The following MAP2 variants were observed in gnomAD, a reference collection of about 807,000 sequenced individuals.
The protein encoded by MAP2 is microtubule associated protein 2.
Under a neutral mutation model 137.6 loss-of-function variants are expected in MAP2, and 14 were observed. The observed-to-expected ratio is 0.10, with a 90% CI of 0.07 to 0.16. The LOEUF (loss-of-function observed/expected upper bound fraction) is 0.16. MAP2 is among the 10% of genes least tolerant of loss of function. MAP2 has a pLI of 1.00. For missense variants in MAP2, 2,088 were observed against 2,191.5 expected (o/e 0.95, Z 0.94); for synonymous variants, 786 against 782.3 (o/e 1.00, Z -0.08).
chr2:209,657,059 T>A (rs1228018049), intron 5 of MAP2, among the ~76,000 whole-genome samples: 1 of 152,248 alleles, frequency 6.6e-6, no homozygotes, highest in Non-Finnish European at 1.5e-5. Context: ...TTATTTCACT[T>A]AAGATAATGG....
intron 2 of MAP2, among the ~76,000 whole-genome samples, chr2:209,550,280 T>A (rs1347257010): frequency 6.6e-6 from 1 of 152,268 alleles, no homozygotes; most frequent in East Asian, 1.9e-4. Context: ...AACATATATC[T>A]TATGGAAAAA....
rs1264758476 is a variant in MAP2 at position 209,694,323 on chromosome 2, T to G, written c.2153T>G (p.Phe718Cys). The G allele has an allele frequency of 6.2e-7, 1 of 1,614,020 alleles. No homozygotes were observed. The highest frequency in any genetic ancestry group is 8.5e-7 in the Non-Finnish European group (1 of 1,180,016). The change falls in exon 8 of 16, where the codon TTT (phenylalanine) becomes TGT (cysteine). Residue 718 changes from phenylalanine to cysteine, a missense_variant. Around this residue, in one of 6 missense-constraint regions of MAP2, gnomAD observed 500 missense variants for 482.9 expected, o/e 1.04. Coordinates refer to ENST00000682079, the MANE Select transcript of MAP2 (RefSeq NM_001375505.1). ...GATTCCATAGCCCTTGGATTTAACT[T>G]TGGTCGGGGACATGATCTTTCTCCT... is the stretch of plus-strand genomic sequence containing the variant. ...CLDSIALGFN[F>C]GRGHDLSPLA...
Position 209,442,022 on chromosome 2 carries a change from T to G in MAP2, c.-222+17746T>G, listed in dbSNP as rs544238590. On this transcript the variant is annotated intron_variant, in intron 1 of 15. Coordinates refer to ENST00000682079, the MANE Select transcript of MAP2 (RefSeq NM_001375505.1). ...CATGTTTCCTCAGGATTGTCTATAT[T>G]AATTATTGGACAAACACCCATAAAA... 2.6e-5 allele frequency among the ~76,000 whole-genome samples: 4 copies of G among 151,672 alleles called. No homozygotes were observed. The South Asian group carries it at 8.3e-4, about 31-fold the overall frequency.
intron 5 of MAP2, among the ~76,000 whole-genome samples, chr2:209,676,595 G>A (rs1261943905): frequency 1.3e-5 from 2 of 151,152 alleles, no homozygotes; most frequent in African/African-American, 4.9e-5. Context: ...CTTATATAGT[G>A]TGGGAGATAA....
chr2:209,468,630 G>A (rs1056708724), intron 1 of MAP2, among the ~76,000 whole-genome samples: 1 of 152,008 alleles, frequency 6.6e-6, no homozygotes, highest in Non-Finnish European at 1.5e-5. Context: ...TCAGTTTAGT[G>A]TTTCTTTAAG....
At chr2:209,665,567 A>C (rs2045933336) in intron 5 of MAP2, among the ~76,000 whole-genome samples, 1 of 152,224 alleles carries the variant, frequency 6.6e-6, no homozygotes, top group Non-Finnish European at 1.5e-5. Flanking sequence ...CATGGATTTA[A>C]TATGTGCCTC....
chr2:209,733,051 AC>A lies in MAP2; in HGVS notation c.*2655del, dbSNP rs2075986663. ...GCACCACTCTTGTGGGGACACACAT[AC>A]GCTGATCTAGGAATGAAATCTTCGT... On this transcript the variant is annotated 3_prime_UTR_variant, in exon 16 of 16. Transcript: ENST00000682079. 6.6e-6 allele frequency: 1 copy of A among 152,608 alleles called. No homozygotes were observed. The highest frequency in any genetic ancestry group is 1.5e-5 in the Non-Finnish European group (1 of 68,050). 9.5% of individuals were successfully genotyped at this position (152,608 alleles called of 1,614,324 possible).
intron 2 of MAP2, among the ~76,000 whole-genome samples, chr2:209,575,262 A>ACC (rs1559338200): frequency 6.6e-6 from 1 of 152,002 alleles, no homozygotes; most frequent in Non-Finnish European, 1.5e-5. Flanking sequence ...TGGCTCATGC[A>ACC]TGTAATCCCA....
intron 1 of MAP2, among the ~76,000 whole-genome samples, chr2:209,443,185 C>T (rs1698235693): frequency 1.3e-5 from 2 of 151,226 alleles, no homozygotes; most frequent in Admixed American, 1.3e-4. Flanking sequence ...ATAGTCTCCA[C>T]ACATTACTTG....
chr2:209,659,028 A>C (rs1296666477), intron 5 of MAP2, among the ~76,000 whole-genome samples: 2 of 152,192 alleles, frequency 1.3e-5, no homozygotes, highest in Non-Finnish European at 2.9e-5. Context: ...ACAAATAAGA[A>C]GACTAAGGCA....
chr2:209,444,423 T>C (rs1480484754), intron 1 of MAP2, among the ~76,000 whole-genome samples: 1 of 151,610 alleles, frequency 6.6e-6, no homozygotes. Context: ...AAAAGTCTTG[T>C]ATGACAAGTA....
chr2:209,695,414 T>C lies in MAP2; in HGVS notation c.3244T>C (p.Ser1082Pro). Residue 1082 changes from serine (S) to proline (P), a missense_variant, in exon 8 of 16, where the codon TCC becomes CCC. This residue lies in a region of MAP2 where 500 missense variants were observed against 482.9 expected (regional missense o/e 1.04). Transcript: ENST00000682079. Reference sequence around the variant, plus strand: ...GGCTACACAGGACATGACCCCCTCATCCAAAGCACCGCAGGAGGCAGATGC... The same window carrying C: ...GGCTACACAGGACATGACCCCCTCACCCAAAGCACCGCAGGAGGCAGATGC... ...LEATQDMTPS[S>P]KAPQEADAFM... 6.2e-7 allele frequency: 1 copy of C among 1,613,200 alleles called. No individual in the cohort carries two copies. Among genetic ancestry groups the C allele is most frequent in the Non-Finnish European group, 8.5e-7 (1 of 1,179,636 alleles).
At chr2:209,463,956 T>C (rs1245874526) in intron 1 of MAP2, among the ~76,000 whole-genome samples, 1 of 152,168 alleles carries the variant, frequency 6.6e-6, no homozygotes, top group Non-Finnish European at 1.5e-5. Context: ...ATATAGTTTT[T>C]GACATACAGA....
At chr2:209,658,996 C>T (rs2042179697) in intron 5 of MAP2, among the ~76,000 whole-genome samples, 1 of 152,136 alleles carries the variant, frequency 6.6e-6, no homozygotes, top group African/African-American at 2.4e-5. Context: ...ATGAGGATAT[C>T]TGTCATTAGT....
At position 209,693,696 on chromosome 2, in the gene MAP2, A is replaced by G. The variant is rs2059518880; in HGVS notation, c.1526A>G (p.Asp509Gly). 2 of 1,613,538 alleles carry G rather than the reference A, an allele frequency of 1.2e-6. No individual in the cohort carries two copies. Among genetic ancestry groups the G allele is most frequent in the Non-Finnish European group, 1.7e-6 (2 of 1,179,942 alleles). ...FPVSLEQAVT[D>G]SAMTSKTLEK... ...GTAAGTTTGGAGCAAGCAGTTACAG[A>G]TTCAGCCATGACCTCTAAAACACTG... Residue 509 changes from aspartate (D) to glycine (G), a missense_variant, in exon 8 of 16, where the codon GAT becomes GGT. Physicochemically the swap from Asp to Gly is moderately conservative, Grantham distance 94. Coordinates refer to ENST00000682079, the MANE Select transcript of MAP2 (RefSeq NM_001375505.1).
At position 209,648,785 on chromosome 2, in the gene MAP2, T is replaced by C. The variant is rs376198924; in HGVS notation, c.-29-4357T>C. 1.8e-4 allele frequency among the ~76,000 whole-genome samples: 24 copies of C among 130,414 alleles called. No individual in the cohort carries two copies. The East Asian group carries it at 4.7e-3, about 25-fold the overall frequency. The allele number at this position is 130,414 out of a possible 152,430, so 85.6% of individuals were successfully genotyped here. A position where few individuals can be genotyped will look rare whatever the true frequency, so the allele number is the denominator to read the frequency against. On this transcript the variant is annotated intron_variant, in intron 4 of 15. Transcript: ENST00000682079. ...GCCTGGGTGACGGAGCAAGACTCCG[T>C]CTCAAAAAAAAAAAAAAAGAAAGAA...
intron 3 of MAP2, among the ~76,000 whole-genome samples, chr2:209,602,856 G>T (rs1481279971): frequency 1.3e-5 from 2 of 152,104 alleles, no homozygotes; most frequent in African/African-American, 4.8e-5. Flanking sequence ...TCTTAAAATG[G>T]TTTCAGAGCT....
chr2:209,579,740 T>C, intron 2 of MAP2: 1 of 152,238 alleles, frequency 6.6e-6, no homozygotes, highest in Admixed American at 6.5e-5. Flanking sequence ...TGAGTGGTAT[T>C]GCTGCATATG....
chr2:209,705,394 C>T (rs548102987), intron 11 of MAP2, 186 bp from the exon 12 acceptor site: 16 of 392,336 alleles, frequency 4.1e-5, no homozygotes, highest in East Asian at 3.2e-4. Context: ...TTTTACAAAA[C>T]ATCTAGGCAA....
Sources: allele counts gnomAD v4.1 joint callset (sites outside exome capture counted in the v4.1 genomes callset), GRCh38; gene constraint gnomAD v4.1.1; regional missense constraint gnomAD v4.1.1; transcripts MANE v1.5; gene names NCBI Gene and HGNC (gene_info 2026-07-23, HGNC 2026-07-21).